ROR1: variants seen among roughly 807,000 people sequenced by gnomAD.
ROR1 encodes ROR family WNT receptor 1.
Under a neutral mutation model 78.8 loss-of-function variants are expected in ROR1, and 19 were observed. That is an observed-to-expected ratio of 0.24 (90% CI 0.17 to 0.35). ROR1 has a LOEUF of 0.35. Ranked by LOEUF, ROR1 falls within the 10% of genes least tolerant of loss-of-function variation. ROR1 has a pLI of 1.00. For synonymous variants in ROR1, 386 were observed against 433.6 expected, an observed-to-expected ratio of 0.89 and a Z score of 1.36; for missense variants, 917 against 1,177.8, an observed-to-expected ratio of 0.78 and a Z score of 3.24.
At chr1:63,830,832 A>G (rs1644983698) in intron 1 of ROR1, among the ~76,000 whole-genome samples, 1 of 152,232 alleles carries the variant, frequency 6.6e-6, no homozygotes, top group Non-Finnish European at 1.5e-5. Flanking sequence ...TCCACCTATG[A>G]GCCTGTAAAA....
intron 2 of ROR1, among the ~76,000 whole-genome samples, chr1:64,016,606 G>T (rs1646522271): frequency 1.3e-5 from 2 of 151,778 alleles, no homozygotes; most frequent in South Asian, 4.1e-4. Flanking sequence ...AAAAGGAAAT[G>T]CTCTCATATC....
chr1:63,829,501 A>G (rs1235937672), intron 1 of ROR1, among the ~76,000 whole-genome samples: 1 of 152,162 alleles, frequency 6.6e-6, no homozygotes, highest in Non-Finnish European at 1.5e-5. Context: ...GGAACATAGA[A>G]GCTGAGATCT....
chr1:63,787,482 C>G (rs1387767346), intron 1 of ROR1, among the ~76,000 whole-genome samples: 1 of 114,942 alleles, frequency 8.7e-6, no homozygotes, highest in Non-Finnish European at 1.8e-5. Flanking sequence ...TCCTTCCTTC[C>G]TGCCTTCCTG....
chr1:63,868,173 G>A (rs989521983), intron 1 of ROR1, among the ~76,000 whole-genome samples: 1 of 152,020 alleles, frequency 6.6e-6, no homozygotes, highest in African/African-American at 2.4e-5. Context: ...TTTTGCCAAC[G>A]CTATGACAAT....
chr1:63,918,925 ATCT>A (rs1645631645), intron 1 of ROR1, among the ~76,000 whole-genome samples: 1 of 152,214 alleles, frequency 6.6e-6, no homozygotes, highest in Non-Finnish European at 1.5e-5. Context: ...TTAACCATTC[ATCT>A]TTTTAAAAAG....
At chr1:63,942,546 AT>A (rs1645849394) in intron 1 of ROR1, among the ~76,000 whole-genome samples, 1 of 152,106 alleles carries the variant, frequency 6.6e-6, no homozygotes, top group Admixed American at 6.5e-5. Context: ...GCTCTGTATG[AT>A]GCATGGCCTT....
At chr1:63,946,904 G>A (rs1645893981) in intron 1 of ROR1, among the ~76,000 whole-genome samples, 1 of 152,192 alleles carries the variant, frequency 6.6e-6, no homozygotes, top group Non-Finnish European at 1.5e-5. Context: ...GAGGGAGTAA[G>A]GCTTCACCAG....
intron 4 of ROR1, among the ~76,000 whole-genome samples, chr1:64,135,767 G>A (rs1247504529): frequency 6.6e-6 from 1 of 152,140 alleles, no homozygotes; most frequent in Non-Finnish European, 1.5e-5. Flanking sequence ...TCAGGTATAT[G>A]ATATATTCAT....
At chr1:63,915,608 C>T (rs1273506312) in intron 1 of ROR1, among the ~76,000 whole-genome samples, 1 of 152,020 alleles carries the variant, frequency 6.6e-6, no homozygotes, top group Non-Finnish European at 1.5e-5. Context: ...CATCTCCCAC[C>T]CTCTGCCCCC....
chr1:63,898,152 G>T (rs1355651629), intron 1 of ROR1, among the ~76,000 whole-genome samples: 1 of 152,134 alleles, frequency 6.6e-6, no homozygotes, highest in African/African-American at 2.4e-5. Context: ...TGAACAGCTG[G>T]CCATCTCTGC....
At chr1:64,155,262 T>C (rs1046570048) in intron 7 of ROR1, among the ~76,000 whole-genome samples, 8 of 152,252 alleles carry the variant, frequency 5.3e-5, no homozygotes, top group African/African-American at 1.9e-4. Flanking sequence ...TTTCTAATTT[T>C]TCATTTGGAA....
chr1:63,807,985 T>G (rs1307696265), intron 1 of ROR1, among the ~76,000 whole-genome samples: 1 of 152,172 alleles, frequency 6.6e-6, no homozygotes, highest in African/African-American at 2.4e-5. Context: ...ATTATTATTA[T>G]TAGTGGTAGT....
chr1:63,964,434 TAGC>T lies in ROR1; in HGVS notation c.92-44868_92-44866del, dbSNP rs1646057538. 2.0e-5 allele frequency among the ~76,000 whole-genome samples: 3 copies of T among 152,202 alleles called. No individual in the cohort carries two copies. The South Asian group carries it at 6.2e-4, about 31-fold the overall frequency. On this transcript the variant is annotated intron_variant, in intron 1 of 8. Coordinates refer to ENST00000371079, the MANE Select transcript of ROR1 (RefSeq NM_005012.4). ...ATGTGTGTTTATATAAAAACTGACA[TAGC>T]AGTCTGAATTCAACTTACCCATTCC...
intron 1 of ROR1, among the ~76,000 whole-genome samples, chr1:63,834,942 C>T (rs146071965): frequency 1.3e-5 from 2 of 152,220 alleles, no homozygotes; most frequent in East Asian, 3.9e-4. Flanking sequence ...TTCATGGCTG[C>T]AGGTGGCAGG....
intron 5 of ROR1, among the ~76,000 whole-genome samples, chr1:64,137,941 C>T (rs1016997965): frequency 2.0e-5 from 3 of 152,146 alleles, no homozygotes; most frequent in East Asian, 1.9e-4. Flanking sequence ...TTGGGGAAAT[C>T]GCTTACTTTC....
intron 1 of ROR1, among the ~76,000 whole-genome samples, chr1:63,861,507 G>A (rs1370927720): frequency 2.0e-5 from 3 of 152,176 alleles, no homozygotes; most frequent in Non-Finnish European, 2.9e-5. Context: ...ACATAGCCAA[G>A]AACATTGTGT....
intron 8 of ROR1, among the ~76,000 whole-genome samples, chr1:64,164,570 A>G (rs1650033221): frequency 6.6e-6 from 1 of 152,204 alleles, no homozygotes; most frequent in Admixed American, 6.5e-5. Context: ...AATTACTATT[A>G]TTGTTATAAC....
intron 1 of ROR1, among the ~76,000 whole-genome samples, chr1:63,944,465 C>G (rs772077030): frequency 4.6e-5 from 7 of 152,120 alleles, no homozygotes; most frequent in Non-Finnish European, 1.0e-4. Context: ...CATTTTAAGC[C>G]CTTGCCTTTC....
intron 1 of ROR1, among the ~76,000 whole-genome samples, chr1:63,990,792 A>G (rs1646289541): frequency 6.6e-6 from 1 of 152,220 alleles, no homozygotes; most frequent in African/African-American, 2.4e-5. Flanking sequence ...TTCTTTAAAA[A>G]TAGAACAAAA....
Sources: gnomAD v4.1 joint callset for allele counts (sites outside exome capture counted in the v4.1 genomes callset) on GRCh38, gnomAD v4.1.1 for gene constraint, MANE v1.5 for transcripts, NCBI Gene and HGNC (gene_info 2026-07-23, HGNC 2026-07-21) for gene names.